ESRRG: variants seen among roughly 807,000 people sequenced by gnomAD.
ESRRG encodes the protein estrogen-related receptor gamma.
In ESRRG, 13 loss-of-function variants were observed where a neutral mutation model predicts 44.0. That is an observed-to-expected ratio of 0.30 (90% CI 0.19 to 0.47). ESRRG has a LOEUF of 0.47. Ranked by LOEUF, ESRRG falls within the 20% of genes least tolerant of loss-of-function variation. The pLI, the probability that ESRRG is intolerant of heterozygous loss-of-function variation, is 1.00. For missense variants in ESRRG, 395 were observed against 580.6 expected (o/e 0.68, Z 3.29); for synonymous variants, 215 against 214.6 (o/e 1.00, Z -0.02).
At chr1:216,868,929 A>G (rs2096216887) in intron 2 of ESRRG, among the ~76,000 whole-genome samples, 1 of 152,054 alleles carries the variant, frequency 6.6e-6, no homozygotes. Context: ...TTTTCTTACT[A>G]CTCAGTCTTG....
At chr1:216,647,682 G>A (rs73089983) in intron 3 of ESRRG, among the ~76,000 whole-genome samples, 1,696 of 152,238 alleles carry the variant, frequency 0.011, 35 homozygotes, top group African/African-American at 0.038. Flanking sequence ...TCTTCTCAAA[G>A]TGAGATGCCA....
chr1:216,978,335 A>T (rs1340951984), intron 1 of ESRRG, among the ~76,000 whole-genome samples: 1 of 152,284 alleles, frequency 6.6e-6, no homozygotes, highest in East Asian at 1.9e-4. Context: ...TGAAACAGAG[A>T]CTATATAGCT....
chr1:216,512,485 G>A lies in ESRRG; in HGVS notation c.1133-5302C>T, dbSNP rs73106508. Among the ~76,000 whole-genome samples, 547 of 152,112 alleles carry A rather than the reference G, an allele frequency of 3.6e-3. 3 individuals are homozygous for A. The highest frequency in any genetic ancestry group is 0.013 in the African/African-American group (523 of 41,500). On this transcript the variant is annotated intron_variant, in intron 6 of 6. Coordinates refer to ENST00000408911, the MANE Select transcript of ESRRG (RefSeq NM_001438.4). ...AATTTTTTTATGGGTAAATGAGCAA[G>A]ACTAAATTGTAGTAACTAAGTATAC...
intron 2 of ESRRG, among the ~76,000 whole-genome samples, chr1:216,826,991 A>G (rs1023369251): frequency 6.6e-5 from 10 of 152,170 alleles, no homozygotes; most frequent in African/African-American, 2.4e-4. Context: ...CCTGCTGTCC[A>G]TCACAGACAT....
At chr1:216,926,302 CCA>C (rs2062566310) in intron 2 of ESRRG, among the ~76,000 whole-genome samples, 2 of 152,040 alleles carry the variant, frequency 1.3e-5, no homozygotes. Flanking sequence ...AAAATTAAAT[CCA>C]GAGCCAAAGA....
At chr1:216,589,903 CAAAA>C (rs58458686) in intron 3 of ESRRG, among the ~76,000 whole-genome samples, 491 of 32,238 alleles carry the variant, frequency 0.015, 3 homozygotes, top group African/African-American at 0.066. Flanking sequence ...AACTCTGTCT[CAAAA>C]AAAAAAAAAA....
intron 2 of ESRRG, among the ~76,000 whole-genome samples, chr1:216,915,575 A>AAAACAAACAAAC (rs113085137): frequency 7.5e-4 from 114 of 152,060 alleles, no homozygotes; most frequent in African/African-American, 2.5e-3. Context: ...CAAGATAGCT[A>AAAACAAACAAAC]AAACAAACAA....
At chr1:216,520,938 A>T (rs1164288713) in intron 5 of ESRRG, among the ~76,000 whole-genome samples, 1 of 152,190 alleles carries the variant, frequency 6.6e-6, no homozygotes, top group African/African-American at 2.4e-5. Context: ...CACAGTAAAG[A>T]AAAGGAAAGG....
chr1:216,666,078 A>G lies in ESRRG; in HGVS notation c.472+10998T>C, dbSNP rs992831740. Reference sequence around the variant, plus strand: ...TCAAAATTCTGAACCCCACCCAGCCATACCTCATGAGTTACCTAACAGCTT... The same window carrying G: ...TCAAAATTCTGAACCCCACCCAGCCGTACCTCATGAGTTACCTAACAGCTT... On this transcript the variant is annotated intron_variant, in intron 2 of 6. Coordinates refer to ENST00000408911, the MANE Select transcript of ESRRG (RefSeq NM_001438.4). Among the ~76,000 whole-genome samples, 4 of 152,144 alleles carry G rather than the reference A, an allele frequency of 2.6e-5. No individual in the cohort carries two copies. In the East Asian group the frequency reaches 7.7e-4, roughly 29 times the overall value.
intron 1 of ESRRG, among the ~76,000 whole-genome samples, chr1:217,045,157 C>T (rs1161970208): frequency 6.6e-6 from 1 of 152,090 alleles, no homozygotes; most frequent in African/African-American, 2.4e-5. Context: ...GCTTTATTTG[C>T]AAATGCAAAA....
Position 216,740,602 on chromosome 1 carries a change from A to C in ESRRG, c.-13-63111T>G, listed in dbSNP as rs1045984452. ...TCAATTTTGGACGAGAGAGATTTCTAAGCCCTGCAAAGGAACGTGCTTAAC... is the reference window on the plus strand; with the variant it reads ...TCAATTTTGGACGAGAGAGATTTCTCAGCCCTGCAAAGGAACGTGCTTAAC... On this transcript the variant is annotated intron_variant, in intron 2 of 7. Transcript: ENST00000359162. Among the ~76,000 whole-genome samples, 9 of 151,768 alleles carry C rather than the reference A, an allele frequency of 5.9e-5. 1 individual carries two copies. The highest frequency in any genetic ancestry group is 5.9e-4 in the Admixed American group (9 of 15,210).
At chr1:216,659,486 T>C (rs1333658134) in intron 2 of ESRRG, among the ~76,000 whole-genome samples, 2 of 152,178 alleles carry the variant, frequency 1.3e-5, no homozygotes, top group Admixed American at 6.5e-5. Flanking sequence ...TCGCTGGGTA[T>C]GATCTGATTA....
intron 1 of ESRRG, among the ~76,000 whole-genome samples, chr1:217,074,805 A>G (rs2091073251): frequency 6.6e-6 from 1 of 152,196 alleles, no homozygotes; most frequent in African/African-American, 2.4e-5. Context: ...AAAACACTAT[A>G]CTATGTTACA....
chr1:216,532,980 A>G (rs565281732), intron 5 of ESRRG, among the ~76,000 whole-genome samples: 14 of 152,272 alleles, frequency 9.2e-5, no homozygotes, highest in South Asian at 8.3e-4. Context: ...TACCGAGTAC[A>G]TGGATGAAAG....
Position 217,046,708 on chromosome 1 carries a change from A to AC in ESRRG, c.-106+42798dup, listed in dbSNP as rs199886527. On this transcript the variant is annotated intron_variant, in intron 1 of 7. Transcript: ENST00000359162. Reference sequence around the variant, plus strand: ...AGACCAGCCTGGGCAACATAGTGAGACCCCATCTCTACAAATGATCAAAAA... The same window carrying AC: ...AGACCAGCCTGGGCAACATAGTGAGACCCCCATCTCTACAAATGATCAAAAA... Among the ~76,000 whole-genome samples the AC allele has an allele frequency of 1.9e-4, 29 of 152,170 alleles. No individual in the cohort carries two copies. The East Asian group carries it at 4.5e-3, about 23-fold the overall frequency.
intron 2 of ESRRG, chr1:216,862,243 T>TA: frequency 2.0e-5 from 3 of 151,844 alleles, no homozygotes; most frequent in Admixed American, 2.0e-4. Flanking sequence ...TTTTTTTTTT[T>TA]AGACAGAATC....
chr1:216,810,089 G>A (rs1293892877), intron 2 of ESRRG, among the ~76,000 whole-genome samples: 1 of 152,084 alleles, frequency 6.6e-6, no homozygotes, highest in East Asian at 1.9e-4. Flanking sequence ...CTGTTCCTAG[G>A]AGCTCTTAGA....
chr1:217,050,307 A>G (rs1462755404), intron 1 of ESRRG, among the ~76,000 whole-genome samples: 1 of 152,210 alleles, frequency 6.6e-6, no homozygotes, highest in Admixed American at 6.5e-5. Context: ...ATTAGGTTAC[A>G]CATGAGAAAG....
At chr1:216,828,359 G>A (rs1007795548) in intron 2 of ESRRG, among the ~76,000 whole-genome samples, 6 of 152,216 alleles carry the variant, frequency 3.9e-5, no homozygotes, top group African/African-American at 9.6e-5. Context: ...TTACCTGTTC[G>A]TTTGGTTGGT....
Sources: gnomAD v4.1 joint callset for allele counts (sites outside exome capture counted in the v4.1 genomes callset) on GRCh38, gnomAD v4.1.1 for gene constraint, MANE v1.5 for transcripts, NCBI Gene and HGNC (gene_info 2026-07-23, HGNC 2026-07-21) for gene names.